Variants in ENAH observed in about 807,000 individuals in gnomAD.
ENAH encodes the protein protein enabled homolog.
In ENAH, 23 loss-of-function variants were observed where a neutral mutation model predicts 78.7. The observed-to-expected ratio is 0.29, with a 90% CI of 0.21 to 0.41. ENAH has a LOEUF of 0.41. Among genes scored for constraint, ENAH ranks in the 10% least tolerant of loss-of-function variants. ENAH has a pLI of 1.00. For missense variants in ENAH, 544 were observed against 691.0 expected, an observed-to-expected ratio of 0.79 and a Z score of 2.39; for synonymous variants, 226 against 241.0, an observed-to-expected ratio of 0.94 and a Z score of 0.58.
At chr1:225,618,367 T>C (rs1656187560) in intron 1 of ENAH, among the ~76,000 whole-genome samples, 1 of 152,124 alleles carries the variant, frequency 6.6e-6, no homozygotes, top group African/African-American at 2.4e-5. Flanking sequence ...GGTTCACGCA[T>C]CTCACTTAAA....
intron 1 of ENAH, among the ~76,000 whole-genome samples, chr1:225,638,869 T>C (rs1295287920): frequency 6.6e-6 from 1 of 152,168 alleles, no homozygotes; most frequent in Non-Finnish European, 1.5e-5. Flanking sequence ...AAAATCAAAG[T>C]TCATTATCAG....
chr1:225,652,547 G>A, intron 1 of ENAH, 139 bp downstream of exon 1: 1 of 1,060,928 alleles, frequency 9.4e-7, no homozygotes, highest in Non-Finnish European at 1.2e-6. Context: ...AGGGACAAAA[G>A]GCGGAGGGGG....
At chr1:225,624,602 C>T (rs931707270) in intron 1 of ENAH, among the ~76,000 whole-genome samples, 6 of 151,646 alleles carry the variant, frequency 4.0e-5, no homozygotes, top group Non-Finnish European at 7.4e-5. Context: ...CCAACCTGGG[C>T]GACAGAGTAA....
intron 1 of ENAH, among the ~76,000 whole-genome samples, chr1:225,582,660 C>T (rs1219171949): frequency 6.6e-6 from 1 of 152,182 alleles, no homozygotes; most frequent in African/African-American, 2.4e-5. Context: ...TAAACTCTGC[C>T]TAAATCTCTG....
intron 1 of ENAH, among the ~76,000 whole-genome samples, chr1:225,624,496 C>T (rs1657577205): frequency 1.3e-5 from 2 of 151,806 alleles, no homozygotes; most frequent in South Asian, 2.1e-4. Context: ...GGGTGGTAGG[C>T]GCCTGTAATA....
chr1:225,616,090 C>T (rs1157956678), intron 1 of ENAH, among the ~76,000 whole-genome samples: 2 of 152,014 alleles, frequency 1.3e-5, no homozygotes, highest in Admixed American at 6.5e-5. Context: ...GGATTAAGGG[C>T]GGAGCAAGAT....
chr1:225,631,630 T>C (rs1006449648), intron 1 of ENAH, among the ~76,000 whole-genome samples: 7 of 149,928 alleles, frequency 4.7e-5, no homozygotes, highest in Admixed American at 2.0e-4. Context: ...AGTCTAATGA[T>C]ATAAATTCTA....
At chr1:225,638,257 A>C (rs1245315504) in intron 1 of ENAH, among the ~76,000 whole-genome samples, 3 of 152,160 alleles carry the variant, frequency 2.0e-5, no homozygotes, top group African/African-American at 7.2e-5. Flanking sequence ...TCCAGGCTCA[A>C]GTGATCCTCC....
At chr1:225,650,623 G>C (rs1662778747) in intron 1 of ENAH, among the ~76,000 whole-genome samples, 2 of 152,008 alleles carry the variant, frequency 1.3e-5, no homozygotes, top group Non-Finnish European at 2.9e-5. Context: ...GGCCGAAGCT[G>C]GTGGATCACG....
rs189561818 is a variant in ENAH, at chr1:225,560,221, G to A, written c.172-5138C>T. 8.7e-4 allele frequency among the ~76,000 whole-genome samples: 132 copies of A among 152,110 alleles called. 1 individual carries two copies. Among genetic ancestry groups the A allele is most frequent in the African/African-American group, 3.2e-3 (132 of 41,500 alleles). The stretch of plus-strand genomic sequence containing the variant: ...GGGCTTCCTGTGCCCCCCAAGGCTG[G>A]AGGTAGCTCATGGTAATTCCAGCAC... On this transcript the variant is annotated intron_variant, in intron 2 of 13. Transcript: ENST00000366843.
intron 3 of ENAH, among the ~76,000 whole-genome samples, chr1:225,552,955 T>G (rs2096648411): frequency 6.6e-6 from 1 of 152,136 alleles, no homozygotes; most frequent in African/African-American, 2.4e-5. Flanking sequence ...AAAAAAAGGC[T>G]GTGCACGGTG....
rs992793768 is a variant in ENAH, at chr1:225,574,987, T to C, written c.6-7573A>G. On this transcript the variant is annotated intron_variant, in intron 1 of 13. Coordinates refer to ENST00000366843, the MANE Select transcript of ENAH (RefSeq NM_018212.6). ...CGAATAATAAACATATTTTCTCAAA[T>C]AGGAAAGTGAACAATAAATAGCATG... Among the ~76,000 whole-genome samples, 11 of 151,350 alleles carry C rather than the reference T, an allele frequency of 7.3e-5. No individual in the cohort carries two copies. The East Asian group carries it at 7.8e-4, about 11-fold the overall frequency.
intron 1 of ENAH, among the ~76,000 whole-genome samples, chr1:225,601,333 A>G (rs1259075744): frequency 2.0e-5 from 3 of 152,178 alleles, no homozygotes; most frequent in Non-Finnish European, 2.9e-5. Flanking sequence ...ATCCTGGCTA[A>G]CAGTGAAACC....
At position 225,495,310 on chromosome 1, in the gene ENAH, C is replaced by T. The variant is rs550251636; in HGVS notation, c.*2465G>A. The T allele has an allele frequency of 6.6e-6, 1 of 152,626 alleles. No individual in the cohort carries two copies. Among genetic ancestry groups the T allele is most frequent in the African/African-American group, 2.4e-5 (1 of 41,552 alleles). 9.5% of individuals were successfully genotyped at this position (152,626 alleles called of 1,614,324 possible). ...TTGATAAGGTAAATAACTTAGGCTT[C>T]TGTTTCCCATTTTAATTACTGAAAT... On this transcript the variant is annotated 3_prime_UTR_variant, in exon 14 of 14. Transcript: ENST00000366843.
intron 1 of ENAH, among the ~76,000 whole-genome samples, chr1:225,638,112 A>G (rs540647153): frequency 6.6e-6 from 1 of 152,334 alleles, no homozygotes; most frequent in South Asian, 2.1e-4. Context: ...TTTTGCAAAA[A>G]AAGAAATTAA....
At chr1:225,601,488 A>C (rs1405255560) in intron 1 of ENAH, among the ~76,000 whole-genome samples, 1 of 151,672 alleles carries the variant, frequency 6.6e-6, no homozygotes, top group East Asian at 1.9e-4. Context: ...ACTGCACGCC[A>C]GCCTGGGTGA....
intron 3 of ENAH, among the ~76,000 whole-genome samples, chr1:225,551,434 C>T (rs557308790): frequency 1.2e-4 from 18 of 151,854 alleles, no homozygotes; most frequent in African/African-American, 2.7e-4. Flanking sequence ...AATTTGAGGA[C>T]GTAGGGGACA....
intron 4 of ENAH, chr1:225,524,495 G>T: frequency 2.2e-6 from 1 of 459,900 alleles, no homozygotes; most frequent in Non-Finnish European, 2.9e-6. Flanking sequence ...TATAACATGA[G>T]CATTTCACTT....
chr1:225,558,135 A>G (rs1240420031), intron 2 of ENAH, among the ~76,000 whole-genome samples: 1 of 152,128 alleles, frequency 6.6e-6, no homozygotes, highest in East Asian at 1.9e-4. Context: ...AAATTTTTAC[A>G]TGTACTTTTA....
Sources: gnomAD v4.1 joint callset for allele counts (sites outside exome capture counted in the v4.1 genomes callset) on GRCh38, gnomAD v4.1.1 for gene constraint, MANE v1.5 for transcripts, NCBI Gene and HGNC (gene_info 2026-07-23, HGNC 2026-07-21) for gene names.